Variants in PTPRA observed in about 807,000 individuals in gnomAD.
PTPRA encodes receptor-type tyrosine-protein phosphatase alpha.
PTPRA carries 25 observed loss-of-function variants against 104.8 expected under a neutral mutation model. The ratio of observed to expected loss-of-function variants is 0.24; its 90% CI spans 0.17 to 0.33. PTPRA has a LOEUF of 0.33. Among genes scored for constraint, PTPRA ranks in the 10% least tolerant of loss-of-function variants. The pLI is 1.00. For synonymous variants in PTPRA, 323 were observed against 368.9 expected, an observed-to-expected ratio of 0.88 and a Z score of 1.43; for missense variants, 765 against 1,015.3, an observed-to-expected ratio of 0.75 and a Z score of 3.35.
At chr20:3,033,513 GTCCT>G (rs1432350623) in intron 20 of PTPRA, among the ~76,000 whole-genome samples, 2 of 151,970 alleles carry the variant, frequency 1.3e-5, no homozygotes, top group Non-Finnish European at 2.9e-5. Flanking sequence ...CTGGCAACTG[GTCCT>G]CCTGCTCTCA....
intron 6 of PTPRA, among the ~76,000 whole-genome samples, chr20:2,982,400 C>G (rs2062717016): frequency 1.3e-5 from 2 of 152,076 alleles, no homozygotes; most frequent in South Asian, 4.1e-4. Context: ...ATACTGCCCC[C>G]TGTTGTTGGA....
At chr20:2,874,626 CAG>C (rs934585773) in intron 1 of PTPRA, among the ~76,000 whole-genome samples, 3 of 152,172 alleles carry the variant, frequency 2.0e-5, no homozygotes, top group African/African-American at 7.2e-5. Context: ...GCCTGAGAAA[CAG>C]AAGATGGTGG....
At chr20:3,031,998 T>C (rs1336427838) in intron 20 of PTPRA, among the ~76,000 whole-genome samples, 1 of 152,198 alleles carries the variant, frequency 6.6e-6, no homozygotes. Context: ...ACAAATCTCA[T>C]AGAGGTAATT....
At chr20:2,872,737 G>C (rs546490328), upstream of PTPRA, among the ~76,000 whole-genome samples, 12 of 152,234 alleles carry the variant, frequency 7.9e-5, no homozygotes, top group African/African-American at 2.2e-4. This position sits in a 1 kb window ranked among gnomAD's most constrained non-coding sequence, Gnocchi z 7.9. Context: ...CGCCGGGAAG[G>C]GGGTACGCGC....
At chr20:2,978,111 G>A (rs939476346) in intron 6 of PTPRA, among the ~76,000 whole-genome samples, 1 of 152,250 alleles carries the variant, frequency 6.6e-6, no homozygotes, top group East Asian at 1.9e-4. Flanking sequence ...GATCAGAGGT[G>A]GCCTCAACAG....
chr20:2,897,315 T>C (rs963243715), intron 1 of PTPRA, among the ~76,000 whole-genome samples: 1 of 152,206 alleles, frequency 6.6e-6, no homozygotes, highest in Non-Finnish European at 1.5e-5. Flanking sequence ...GAATCAGTTA[T>C]TATAGTGGTT....
chr20:3,009,068 G>A (rs1398508786), intron 11 of PTPRA, among the ~76,000 whole-genome samples: 1 of 152,170 alleles, frequency 6.6e-6, no homozygotes, highest in Non-Finnish European at 1.5e-5. Context: ...AATGGATAGA[G>A]ACGACTCGTA....
rs1176015750 is a variant in PTPRA at position 2,910,611 on chromosome 20, T to A, written c.-128-12596T>A. 2.1e-3 allele frequency among the ~76,000 whole-genome samples: 176 copies of A among 85,082 alleles called. 1 individual carries two copies. The highest frequency in any genetic ancestry group is 6.3e-3 in the Middle Eastern group (1 of 158). 55.8% of individuals were successfully genotyped at this position (85,082 alleles called of 152,430 possible). A position where few individuals can be genotyped will look rare whatever the true frequency, so the allele number is the denominator to read the frequency against. On this transcript the variant is annotated intron_variant, in intron 1 of 23. Coordinates refer to ENST00000399903, the MANE Select transcript of PTPRA (RefSeq NM_001385305.1). ...TTTGTTTTTTTTTTGTTTTTTTTAATTTTTTTTTTTTTTTTAAGACGGAGT... is the reference window on the plus strand; with the variant it reads ...TTTGTTTTTTTTTTGTTTTTTTTAAATTTTTTTTTTTTTTTAAGACGGAGT...
rs1013742183 is a variant in PTPRA, at chr20:2,954,784, A to G, written c.-7+6760A>G. On this transcript the variant is annotated intron_variant, in intron 3 of 23. Transcript: ENST00000399903. The stretch of plus-strand genomic sequence containing the variant: ...AGAAATTTTTGCCAAATCCAAAGTC[A>G]TGAAGCTTTGCCCTCTGTTTCCTTC... Among the ~76,000 whole-genome samples the G allele has an allele frequency of 3.9e-5, 6 of 152,352 alleles. No individual in the cohort carries two copies. In the East Asian group the frequency reaches 1.2e-3, roughly 29 times the overall value.
chr20:2,922,334 TATTGATTG>T (rs774607791), intron 1 of PTPRA, among the ~76,000 whole-genome samples: 1 of 152,100 alleles, frequency 6.6e-6, no homozygotes, highest in Non-Finnish European at 1.5e-5. Flanking sequence ...AGGGCTGTTT[TATTGATTG>T]ATTGATTGAT....
intron 1 of PTPRA, among the ~76,000 whole-genome samples, chr20:2,912,533 A>C (rs976310823): frequency 2.6e-5 from 4 of 151,884 alleles, no homozygotes; most frequent in African/African-American, 9.7e-5. Context: ...CTGAGGCAGG[A>C]GGATCACTTA....
intron 1 of PTPRA, among the ~76,000 whole-genome samples, chr20:2,886,478 C>T (rs2090391061): frequency 6.6e-6 from 1 of 151,740 alleles, no homozygotes. Flanking sequence ...TTGAGAATTC[C>T]CATAGTAAAA....
intron 2 of PTPRA, among the ~76,000 whole-genome samples, chr20:2,934,434 ACTTC>A (rs2060617425): frequency 6.6e-6 from 1 of 152,020 alleles, no homozygotes; most frequent in African/African-American, 2.4e-5. Context: ...ATGTATACAG[ACTTC>A]CTTGTTTATA....
intron 2 of PTPRA, among the ~76,000 whole-genome samples, chr20:2,937,868 T>A (rs2060765633): frequency 6.6e-6 from 1 of 152,262 alleles, no homozygotes; most frequent in African/African-American, 2.4e-5. Context: ...TTTCAGCATT[T>A]GAAAAATATT....
intron 5 of PTPRA, among the ~76,000 whole-genome samples, chr20:2,966,202 A>T (rs1228820942): frequency 6.6e-6 from 1 of 152,190 alleles, no homozygotes; most frequent in Non-Finnish European, 1.5e-5. Context: ...TAAAGACAAG[A>T]CAGCATTTGC....
intron 6 of PTPRA, among the ~76,000 whole-genome samples, chr20:2,985,884 C>CTTGTTTGT (rs71195807): frequency 0.012 from 1,811 of 148,750 alleles, 23 homozygotes; most frequent in Non-Finnish European, 0.017. Flanking sequence ...CAGCTGTCTC[C>CTTGTTTGT]TTGTTTGTTT....
At chr20:2,982,022 A>G (rs1395711062) in intron 6 of PTPRA, among the ~76,000 whole-genome samples, 2 of 152,058 alleles carry the variant, frequency 1.3e-5, no homozygotes, top group African/African-American at 4.8e-5. Context: ...CTTTGGGGGA[A>G]GATGAAGTAA....
In PTPRA at chr20:2,947,957, CTG is replaced by C. The variant is rs1241082361; in HGVS notation, c.-49-23_-49-22del. 24 of 1,019,782 alleles carry C rather than the reference CTG, an allele frequency of 2.4e-5. No homozygotes were observed. The East Asian group carries it at 2.4e-4, about 10-fold the overall frequency. 63.2% of individuals were successfully genotyped at this position (1,019,782 alleles called of 1,614,324 possible). A position where few individuals can be genotyped will look rare whatever the true frequency, so the allele number is the denominator to read the frequency against. On this transcript the variant is annotated intron_variant, in intron 2 of 23. Coordinates refer to ENST00000399903, the MANE Select transcript of PTPRA (RefSeq NM_001385305.1). ...ACATAACCTAGATACTCCTAATTAA[CTG>C]TTTTTTATTTCTTTTTTTCTAGGAC...
chr20:3,027,283 G>A, intron 19 of PTPRA, 86 bp downstream of exon 19: 1 of 1,347,224 alleles, frequency 7.4e-7, no homozygotes, highest in Non-Finnish European at 1.1e-6. Context: ...ATACCTGCTG[G>A]GGAGGATCAT....
Sources: allele counts gnomAD v4.1 joint callset (sites outside exome capture counted in the v4.1 genomes callset), GRCh38; gene constraint gnomAD v4.1.1; non-coding constraint Gnocchi (gnomAD v3.1); transcripts MANE v1.5; gene names NCBI Gene and HGNC (gene_info 2026-07-23, HGNC 2026-07-21).